ANKH: variants seen among roughly 807,000 people sequenced by gnomAD.
The protein encoded by ANKH is ANKH inorganic pyrophosphate transport regulator, also known as mineralization regulator ANKH.
ANKH carries 15 observed loss-of-function variants against 49.0 expected under a neutral mutation model. The ratio of observed to expected loss-of-function variants is 0.31; its 90% confidence interval spans 0.20 to 0.47. The LOEUF is 0.47. Among genes scored for constraint, ANKH ranks in the 20% least tolerant of loss-of-function variants. The pLI is 1.00. For missense variants in ANKH, 429 were observed against 652.0 expected, an observed-to-expected ratio of 0.66 and a Z score of 3.72; for synonymous variants, 273 against 260.0, an observed-to-expected ratio of 1.05 and a Z score of -0.48.
At chr5:14,814,957 A>C (rs1740988255) in intron 1 of ANKH, among the ~76,000 whole-genome samples, 1 of 152,228 alleles carries the variant, frequency 6.6e-6, no homozygotes, top group African/African-American at 2.4e-5. Flanking sequence ...TCCGTACTTC[A>C]AAACAGAGTT....
intron 1 of ANKH, among the ~76,000 whole-genome samples, chr5:14,858,752 A>C (rs905719926): frequency 4.3e-5 from 3 of 70,532 alleles, no homozygotes; most frequent in African/African-American, 1.8e-4. Flanking sequence ...TAAATAAATA[A>C]ATAAATAAAA....
intron 8 of ANKH, among the ~76,000 whole-genome samples, chr5:14,719,808 G>C (rs927469849): frequency 6.6e-6 from 1 of 152,188 alleles, no homozygotes; most frequent in Non-Finnish European, 1.5e-5. Flanking sequence ...CATGGCTACT[G>C]TGAGTTACAA....
Position 14,793,080 on chromosome 5 carries a change from A to AAT in ANKH, c.97-23891_97-23890dup, listed in dbSNP as rs201879511. Among the ~76,000 whole-genome samples the AAT allele has an allele frequency of 1.1e-4, 13 of 115,566 alleles. 1 individual carries two copies. The highest frequency in any genetic ancestry group is 9.0e-5 in the Admixed American group (1 of 11,058). The allele number at this position is 115,566 out of a possible 152,430, so 75.8% of individuals were successfully genotyped here. A position where few individuals can be genotyped will look rare whatever the true frequency, so the allele number is the denominator to read the frequency against. On this transcript the variant is annotated intron_variant, in intron 1 of 11. Transcript: ENST00000284268. ...TATAAAATATATATAAATATATAAAAATATATATATAAATATTTATTTATT... is the reference window on the plus strand; with the variant it reads ...TATAAAATATATATAAATATATAAAAATATATATATATAAATATTTATTTATT...
intron 8 of ANKH, chr5:14,717,210 T>G (rs1737501569): frequency 3.5e-6 from 1 of 285,458 alleles, no homozygotes; most frequent in Non-Finnish European, 6.9e-6. Context: ...CATATAATTT[T>G]TACAGCTTTA....
At chr5:14,749,367 T>C in intron 5 of ANKH, 61 bp from the exon 6 acceptor site, 1 of 1,582,386 alleles carries the variant, frequency 6.3e-7, no homozygotes, top group African/African-American at 1.3e-5. Context: ...GAAAAAACGA[T>C]TCAGAATCAA....
chr5:14,764,958 G>T (rs984654335), intron 2 of ANKH, among the ~76,000 whole-genome samples: 1 of 152,196 alleles, frequency 6.6e-6, no homozygotes. Flanking sequence ...CAGCGGTTTC[G>T]ACATCTTCGT....
chr5:14,768,675 G>T, intron 2 of ANKH: 1 of 472,700 alleles, frequency 2.1e-6, no homozygotes, highest in South Asian at 2.2e-5. Flanking sequence ...TATCTCTAAC[G>T]AAAGCACCTG....
At chr5:14,815,775 A>G (rs1741017299) in intron 1 of ANKH, among the ~76,000 whole-genome samples, 1 of 152,270 alleles carries the variant, frequency 6.6e-6, no homozygotes, top group Non-Finnish European at 1.5e-5. Flanking sequence ...ACAAGTGTCC[A>G]GGAGCACAGA....
chr5:14,847,490 T>G (rs1741998000), intron 1 of ANKH, among the ~76,000 whole-genome samples: 1 of 152,198 alleles, frequency 6.6e-6, no homozygotes, highest in Admixed American at 6.5e-5. Context: ...GCAGACAAAG[T>G]GTCGCCGTCG....
chr5:14,861,530 T>A (rs1242012345), intron 1 of ANKH, among the ~76,000 whole-genome samples: 1 of 152,160 alleles, frequency 6.6e-6, no homozygotes, highest in Non-Finnish European at 1.5e-5. Context: ...ACTGGCATAT[T>A]TCTGCCTGGG....
Position 14,710,748 on chromosome 5 carries a change from G to GCAAAT in ANKH, c.*444_*448dup. On this transcript the variant is annotated 3_prime_UTR_variant, in exon 12 of 12. Coordinates refer to ENST00000284268, the MANE Select transcript of ANKH (RefSeq NM_054027.6). ...CTTTGTACGGCCATGTGACTGGGAA[G>GCAAAT]CAAATCAAAGGAAGCCGAGTTTTAA... The GCAAAT allele has an allele frequency of 5.0e-6, 1 of 200,006 alleles. No individual in the cohort carries two copies. The allele number at this position is 200,006 out of a possible 1,614,324, so 12.4% of individuals were successfully genotyped here.
intron 1 of ANKH, chr5:14,871,068 T>C: frequency 5.5e-6 from 3 of 543,542 alleles, no homozygotes; most frequent in Non-Finnish European, 1.1e-5. Context: ...AATCGCAAAT[T>C]ACATAATACT....
rs369962044 is a variant in ANKH, at chr5:14,735,793, C to T, written c.1011+6034G>A. ...GGGATTATGGGCCCACCCTACTCACCTACCAGAACCTCATCTTAACCCTAT... is the reference window on the plus strand; with the variant it reads ...GGGATTATGGGCCCACCCTACTCACTTACCAGAACCTCATCTTAACCCTAT... On this transcript the variant is annotated intron_variant, in intron 8 of 11. Coordinates refer to ENST00000284268, the MANE Select transcript of ANKH (RefSeq NM_054027.6). 4.4e-4 allele frequency among the ~76,000 whole-genome samples: 67 copies of T among 152,264 alleles called. 1 individual carries two copies. The South Asian group carries it at 0.013, about 29-fold the overall frequency.
intron 8 of ANKH, among the ~76,000 whole-genome samples, chr5:14,733,217 G>A (rs1313736560): frequency 6.6e-6 from 1 of 152,166 alleles, no homozygotes; most frequent in Non-Finnish European, 1.5e-5. Flanking sequence ...CTGTTTCTTG[G>A]CAGCGCTTTG....
chr5:14,783,289 T>TACACACACACACAC lies in ANKH; in HGVS notation c.97-14112_97-14099dup, dbSNP rs57904537. Reference sequence around the variant, plus strand: ...GCACAGAAGAGGGTCGCCACCATTCTACACACACACACACACACACACACA... The same window carrying TACACACACACACAC: ...GCACAGAAGAGGGTCGCCACCATTCTACACACACACACACACACACACACACACACACACACACA... On this transcript the variant is annotated intron_variant, in intron 1 of 11. Transcript: ENST00000284268. Among the ~76,000 whole-genome samples the TACACACACACACAC allele has an allele frequency of 2.9e-3, 421 of 144,618 alleles. 2 individuals carry two copies. Among genetic ancestry groups the TACACACACACACAC allele is most frequent in the Non-Finnish European group, 3.4e-3 (222 of 66,014 alleles). The allele number at this position is 144,618 out of a possible 152,430, so 94.9% of individuals were successfully genotyped here. A position where few individuals can be genotyped will look rare whatever the true frequency, so the allele number is the denominator to read the frequency against.
At chr5:14,750,452 G>A (rs1179264577) in intron 5 of ANKH, among the ~76,000 whole-genome samples, 1 of 152,122 alleles carries the variant, frequency 6.6e-6, no homozygotes, top group Non-Finnish European at 1.5e-5. Flanking sequence ...CCCAGTGTTC[G>A]TGGCTCCTAT....
chr5:14,847,238 A>G (rs944020314), intron 1 of ANKH, among the ~76,000 whole-genome samples: 14 of 152,206 alleles, frequency 9.2e-5, no homozygotes, highest in Admixed American at 9.2e-4. Flanking sequence ...TTGGCACCTC[A>G]AAGTGAATGC....
intron 8 of ANKH, among the ~76,000 whole-genome samples, chr5:14,741,113 C>A (rs143067658): frequency 3.3e-5 from 5 of 152,162 alleles, no homozygotes; most frequent in African/African-American, 1.2e-4. Context: ...TGTTGATAAA[C>A]GCTCTAAAAA....
intron 1 of ANKH, among the ~76,000 whole-genome samples, chr5:14,847,996 C>T (rs1380991898): frequency 4.6e-5 from 7 of 152,038 alleles, no homozygotes; most frequent in Non-Finnish European, 7.4e-5. Flanking sequence ...TAAAATTAGC[C>T]GGGTGTGGTG....
Sources: gnomAD v4.1 joint callset for allele counts (sites outside exome capture counted in the v4.1 genomes callset) on GRCh38, gnomAD v4.1.1 for gene constraint, MANE v1.5 for transcripts, NCBI Gene and HGNC (gene_info 2026-07-23, HGNC 2026-07-21) for gene names.